Variants in MAP7 observed in about 807,000 individuals in gnomAD.
MAP7 encodes the protein microtubule associated protein 7.
In MAP7, 52 loss-of-function variants were observed where a neutral mutation model predicts 94.8. The observed-to-expected ratio is 0.55, with a 90% CI of 0.44 to 0.69. The LOEUF (loss-of-function observed/expected upper bound fraction) is 0.69, where lower values mean the gene tolerates loss of function less well. Among genes scored for constraint, MAP7 ranks in the 30% least tolerant of loss-of-function variants. MAP7 has a pLI of 0.00. For synonymous variants in MAP7, 350 were observed against 357.0 expected (o/e 0.98, Z 0.22); for missense variants, 940 against 964.6 (o/e 0.97, Z 0.34).
intron 1 of MAP7, among the ~76,000 whole-genome samples, chr6:136,477,573 T>C (rs1480240978): frequency 2.0e-5 from 3 of 152,212 alleles, no homozygotes; most frequent in African/African-American, 7.2e-5. Flanking sequence ...AAGAAGGTCA[T>C]TATTTAATGA....
intron 1 of MAP7, among the ~76,000 whole-genome samples, chr6:136,460,985 G>C (rs571126037): frequency 2.0e-5 from 3 of 152,064 alleles, no homozygotes; most frequent in Admixed American, 1.3e-4. Flanking sequence ...TGGGTATAGC[G>C]AGCATAACTT....
At chr6:136,544,508 C>T (rs1829572408) in intron 1 of MAP7, among the ~76,000 whole-genome samples, 1 of 152,212 alleles carries the variant, frequency 6.6e-6, no homozygotes, top group African/African-American at 2.4e-5. Flanking sequence ...CCATCCCTCT[C>T]AGCAGGTGTG....
In MAP7 at chr6:136,363,950, G is replaced by A. The variant is rs142157345; in HGVS notation, c.1274-1248C>T. 3.9e-5 allele frequency among the ~76,000 whole-genome samples: 6 copies of A among 152,312 alleles called. No individual in the cohort carries two copies. In the East Asian group the frequency reaches 1.2e-3, roughly 29 times the overall value. On this transcript the variant is annotated intron_variant, in intron 10 of 17. Coordinates refer to ENST00000354570, the MANE Select transcript of MAP7 (RefSeq NM_003980.6). ...AGTAAGTCTGAGGTAAAAACCAAGGGTCTGTATGTCAAAACATTATAGATG... is the reference window on the plus strand; with the variant it reads ...AGTAAGTCTGAGGTAAAAACCAAGGATCTGTATGTCAAAACATTATAGATG...
chr6:136,377,017 G>A (rs919578866), intron 7 of MAP7, among the ~76,000 whole-genome samples: 1 of 152,160 alleles, frequency 6.6e-6, no homozygotes, highest in East Asian at 1.9e-4. Context: ...GGAGAGATCC[G>A]TTACCCAAAG....
chr6:136,487,664 G>A (rs139651341), intron 1 of MAP7, among the ~76,000 whole-genome samples: 114 of 152,098 alleles, frequency 7.5e-4, no homozygotes, highest in African/African-American at 2.5e-3. Context: ...AGCTATGAGC[G>A]TGCGACTGAG....
intron 16 of MAP7, among the ~76,000 whole-genome samples, chr6:136,353,540 G>A (rs905122464): frequency 1.3e-5 from 2 of 152,048 alleles, no homozygotes; most frequent in Non-Finnish European, 2.9e-5. Flanking sequence ...TAATTTCACT[G>A]TTCTTGATTT....
intron 2 of MAP7, among the ~76,000 whole-genome samples, chr6:136,416,024 T>C (rs1338259949): frequency 1.3e-5 from 2 of 152,348 alleles, no homozygotes; most frequent in Admixed American, 1.3e-4. Context: ...CCCATTAATA[T>C]GAAAGTCTCT....
chr6:136,398,173 C>T (rs890263725), intron 3 of MAP7, among the ~76,000 whole-genome samples: 1 of 152,198 alleles, frequency 6.6e-6, no homozygotes, highest in Non-Finnish European at 1.5e-5. Context: ...AAGCAGGGTA[C>T]TGTGGTGGAT....
intron 17 of MAP7, among the ~76,000 whole-genome samples, chr6:136,344,492 T>C (rs1787145735): frequency 1.3e-5 from 2 of 152,224 alleles, no homozygotes; most frequent in Non-Finnish European, 1.5e-5. Flanking sequence ...CATACACAGA[T>C]TGTACTTTTC....
intron 2 of MAP7, 122 bp downstream of exon 2, chr6:136,421,578 CT>C: frequency 1.2e-6 from 1 of 813,822 alleles, no homozygotes; most frequent in East Asian, 2.7e-5. Context: ...AAACCAAGCT[CT>C]CCTAAATTCG....
chr6:136,449,401 C>T (rs1387759371), intron 1 of MAP7, among the ~76,000 whole-genome samples: 2 of 152,224 alleles, frequency 1.3e-5, no homozygotes, highest in Non-Finnish European at 2.9e-5. Context: ...AATCGTGCAG[C>T]TCCCCAAACC....
intron 15 of MAP7, 99 bp from the exon 16 acceptor site, chr6:136,356,893 G>T: frequency 1.1e-6 from 1 of 911,696 alleles, no homozygotes; most frequent in Non-Finnish European, 1.8e-6. Flanking sequence ...TGCTGGTTCT[G>T]CTACTTAAGT....
chr6:136,444,692 T>C (rs1356094017), intron 1 of MAP7, among the ~76,000 whole-genome samples: 1 of 152,204 alleles, frequency 6.6e-6, no homozygotes, highest in Admixed American at 6.5e-5. Flanking sequence ...AATATTCCCT[T>C]TTAAAAAAAT....
intron 1 of MAP7, among the ~76,000 whole-genome samples, chr6:136,441,509 T>C (rs1797858109): frequency 6.6e-6 from 1 of 152,254 alleles, no homozygotes; most frequent in African/African-American, 2.4e-5. Context: ...TTGTTCATTT[T>C]GCCATTAAAT....
chr6:136,526,061 T>C (rs1446250457), intron 1 of MAP7: 1 of 1,440,006 alleles, frequency 6.9e-7, no homozygotes, highest in Non-Finnish European at 9.0e-7. Flanking sequence ...GTTCCTAAGC[T>C]GCCTGTTCAT....
intron 1 of MAP7, among the ~76,000 whole-genome samples, chr6:136,537,575 A>G (rs556429605): frequency 6.6e-6 from 1 of 152,258 alleles, no homozygotes; most frequent in African/African-American, 2.4e-5. Context: ...TGTTAAGTAA[A>G]TCCATACAAA....
intron 1 of MAP7, among the ~76,000 whole-genome samples, chr6:136,547,325 T>C (rs1281191238): frequency 1.3e-5 from 2 of 152,242 alleles, no homozygotes; most frequent in Non-Finnish European, 2.9e-5. Flanking sequence ...GAAAGCTTCA[T>C]GAATTAATCA....
At chr6:136,440,802 C>CA (rs1403681259) in intron 1 of MAP7, among the ~76,000 whole-genome samples, 7 of 150,814 alleles carry the variant, frequency 4.6e-5, no homozygotes, top group African/African-American at 1.7e-4. Flanking sequence ...ATTATTTTAT[C>CA]TTAAAAATAA....
At chr6:136,527,038 A>G (rs1008604139) in intron 1 of MAP7, among the ~76,000 whole-genome samples, 3 of 152,108 alleles carry the variant, frequency 2.0e-5, no homozygotes, top group African/African-American at 7.2e-5. Flanking sequence ...ATACTGGGGA[A>G]TTCTCCAAAG....
Sources: gnomAD v4.1 joint callset for allele counts (sites outside exome capture counted in the v4.1 genomes callset) on GRCh38, gnomAD v4.1.1 for gene constraint, MANE v1.5 for transcripts, NCBI Gene and HGNC (gene_info 2026-07-23, HGNC 2026-07-21) for gene names.